Variants in XYLT1 observed in about 807,000 individuals in gnomAD.
XYLT1 encodes the protein xylosyltransferase 1, also known as beta-D-xylosyltransferase 1.
In XYLT1, 36 loss-of-function variants were observed where a neutral mutation model predicts 91.3. The observed-to-expected ratio is 0.39, with a 90% CI of 0.30 to 0.52. The LOEUF (loss-of-function observed/expected upper bound fraction) is 0.52. Ranked by LOEUF, XYLT1 falls within the 20% of genes least tolerant of loss-of-function variation. The pLI, the probability that XYLT1 is intolerant of heterozygous loss-of-function variation, is 0.68. For missense variants in XYLT1, 1,242 were observed against 1,284.5 expected (o/e 0.97, Z 0.51); for synonymous variants, 588 against 532.0 (o/e 1.11, Z -1.45).
At chr16:17,447,742 T>A (rs2036611080) in intron 1 of XYLT1, among the ~76,000 whole-genome samples, 2 of 149,546 alleles carry the variant, frequency 1.3e-5, no homozygotes, top group Non-Finnish European at 2.9e-5. Flanking sequence ...AGCTCTGCTG[T>A]GTGAACAAGC....
At chr16:17,232,371 C>T (rs1337208672) in intron 3 of XYLT1, among the ~76,000 whole-genome samples, 1 of 142,816 alleles carries the variant, frequency 7.0e-6, no homozygotes, top group Non-Finnish European at 1.5e-5. Context: ...AACACTGAAA[C>T]ATACAGTGCA....
chr16:17,393,849 C>T (rs559698599), intron 1 of XYLT1, among the ~76,000 whole-genome samples: 1 of 152,166 alleles, frequency 6.6e-6, no homozygotes, highest in East Asian at 1.9e-4. Context: ...CATCTTGGCT[C>T]ACTGCAAGCT....
intron 1 of XYLT1, among the ~76,000 whole-genome samples, chr16:17,419,976 T>C (rs1301160025): frequency 7.2e-5 from 11 of 152,150 alleles, no homozygotes; most frequent in African/African-American, 1.7e-4. Flanking sequence ...CCAAAATCTA[T>C]TGGAAGGAGA....
intron 1 of XYLT1, among the ~76,000 whole-genome samples, chr16:17,376,686 G>C (rs1429890158): frequency 2.0e-5 from 3 of 152,046 alleles, no homozygotes; most frequent in Non-Finnish European, 2.9e-5. Context: ...TATTAGCTGG[G>C]CATCATGGCT....
chr16:17,439,961 G>A (rs1387701154), intron 1 of XYLT1, among the ~76,000 whole-genome samples: 1 of 152,166 alleles, frequency 6.6e-6, no homozygotes, highest in Non-Finnish European at 1.5e-5. Flanking sequence ...CACATTCAAG[G>A]TTTGGTTCTA....
intron 5 of XYLT1, among the ~76,000 whole-genome samples, chr16:17,181,611 C>T (rs1222886953): frequency 2.0e-5 from 3 of 152,152 alleles, no homozygotes; most frequent in Non-Finnish European, 4.4e-5. Context: ...AGCAGGTTCT[C>T]CTCTGCCCAT....
intron 1 of XYLT1, chr16:17,446,227 G>A (rs1212908495): frequency 6.6e-6 from 1 of 152,196 alleles, no homozygotes; most frequent in Non-Finnish European, 1.5e-5. Flanking sequence ...CAGCCTCTGT[G>A]AGCTGCTCAT....
intron 2 of XYLT1, among the ~76,000 whole-genome samples, chr16:17,268,270 G>A (rs1045646256): frequency 7.2e-5 from 11 of 152,096 alleles, no homozygotes; most frequent in East Asian, 3.8e-4. Flanking sequence ...ATTTGTTTTC[G>A]TTGGGGAAAA....
Position 17,102,977 on chromosome 16 carries a change from A to T in XYLT1, c.*5718T>A, listed in dbSNP as rs1966726922. 1 of 152,004 alleles carries T rather than the reference A, an allele frequency of 6.6e-6. No individual in the cohort carries two copies. Among genetic ancestry groups the T allele is most frequent in the African/African-American group, 2.4e-5 (1 of 41,368 alleles). 9.4% of individuals were successfully genotyped at this position (152,004 alleles called of 1,614,324 possible). A position where few individuals can be genotyped will look rare whatever the true frequency, so the allele number is the denominator to read the frequency against. ...ATTTAAAAAAAAAAAAGGCAAAAGGACTACAAAGACAATTGCGCACAATTC... is the reference window on the plus strand; with the variant it reads ...ATTTAAAAAAAAAAAAGGCAAAAGGTCTACAAAGACAATTGCGCACAATTC... On this transcript the variant is annotated 3_prime_UTR_variant, in exon 12 of 12. Coordinates refer to ENST00000261381, the MANE Select transcript of XYLT1 (RefSeq NM_022166.4).
In XYLT1 at chr16:17,276,098, T is replaced by C. The variant is rs2033969463; in HGVS notation, c.403-16600A>G. 2.0e-5 allele frequency among the ~76,000 whole-genome samples: 3 copies of C among 152,208 alleles called. 1 individual carries two copies. In the South Asian group the frequency reaches 6.2e-4, roughly 31 times the overall value. ...AATAGGCTCCTAATATTGCCATCCATGTGATTTCAGAACTGAGCTTCCCCA... is the reference window on the plus strand; with the variant it reads ...AATAGGCTCCTAATATTGCCATCCACGTGATTTCAGAACTGAGCTTCCCCA... On this transcript the variant is annotated intron_variant, in intron 2 of 11. Transcript: ENST00000261381.
chr16:17,277,347 A>G (rs1254958627), intron 2 of XYLT1, among the ~76,000 whole-genome samples: 1 of 151,078 alleles, frequency 6.6e-6, no homozygotes, highest in Non-Finnish European at 1.5e-5. Flanking sequence ...TTAGTTTTCT[A>G]ACCCTTGTCC....
At chr16:17,265,249 A>G (rs1325693007) in intron 2 of XYLT1, among the ~76,000 whole-genome samples, 1 of 152,138 alleles carries the variant, frequency 6.6e-6, no homozygotes, top group Non-Finnish European at 1.5e-5. Context: ...ATGTAAAACT[A>G]CTAGAATATG....
At chr16:17,156,128 G>A (rs1420098602) in intron 6 of XYLT1, among the ~76,000 whole-genome samples, 3 of 152,156 alleles carry the variant, frequency 2.0e-5, no homozygotes, top group Non-Finnish European at 4.4e-5. Flanking sequence ...AGTTCAGAGA[G>A]GTTAAGTCAC....
chr16:17,415,653 T>C (rs181832486), intron 1 of XYLT1, among the ~76,000 whole-genome samples: 237 of 151,898 alleles, frequency 1.6e-3, no homozygotes, highest in African/African-American at 5.3e-3. Context: ...GATAGCACCA[T>C]TGCACTCCAG....
At chr16:17,181,832 AC>A (rs1314261603) in intron 5 of XYLT1, among the ~76,000 whole-genome samples, 1 of 151,952 alleles carries the variant, frequency 6.6e-6, no homozygotes, top group Non-Finnish European at 1.5e-5. Flanking sequence ...AGTTACCCCA[AC>A]CGCTTGATGC....
At chr16:17,224,436 ACAGTCTTATTTCG>A (rs1455785256) in intron 3 of XYLT1, among the ~76,000 whole-genome samples, 1 of 152,192 alleles carries the variant, frequency 6.6e-6, no homozygotes, top group African/African-American at 2.4e-5. Flanking sequence ...GTTTTCTTTC[ACAGTCTTATTTCG>A]CAGTCTTATC....
intron 1 of XYLT1, among the ~76,000 whole-genome samples, chr16:17,396,864 C>T (rs2141897186): frequency 6.6e-6 from 1 of 152,064 alleles, no homozygotes; most frequent in African/African-American, 2.4e-5. Flanking sequence ...TGGGACTCCA[C>T]CTCAGAAAAA....
At chr16:17,209,569 G>A (rs2032721170) in intron 3 of XYLT1, among the ~76,000 whole-genome samples, 1 of 152,114 alleles carries the variant, frequency 6.6e-6, no homozygotes, top group African/African-American at 2.4e-5. Flanking sequence ...TTATTTTTAG[G>A]AGCCCATCCT....
chr16:17,110,440 T>A (rs1004530214), intron 11 of XYLT1, among the ~76,000 whole-genome samples: 1 of 152,150 alleles, frequency 6.6e-6, no homozygotes, highest in Non-Finnish European at 1.5e-5. Context: ...ATCTGATGGT[T>A]TTTTAAAGGG....
Sources: gnomAD v4.1 joint callset for allele counts (sites outside exome capture counted in the v4.1 genomes callset) on GRCh38, gnomAD v4.1.1 for gene constraint, MANE v1.5 for transcripts, NCBI Gene and HGNC (gene_info 2026-07-23, HGNC 2026-07-21) for gene names.